Variants in NOS2 observed in about 807,000 individuals in gnomAD.
NOS2 encodes nitric oxide synthase, inducible.
A neutral mutation model predicts 136.0 loss-of-function variants in NOS2; 96 were observed. That is an observed-to-expected ratio of 0.71 (90% CI 0.60 to 0.84). The LOEUF (loss-of-function observed/expected upper bound fraction) is 0.84, where lower values mean the gene tolerates loss of function less well. Ranked by LOEUF, NOS2 falls within the 40% of genes least tolerant of loss-of-function variation. NOS2 has a pLI of 0.00. For missense variants in NOS2, 1,237 were observed against 1,496.9 expected (o/e 0.83, Z 2.87); for synonymous variants, 539 against 587.5 (o/e 0.92, Z 1.20).
chr17:27,761,245 A>T lies in NOS2; in HGVS notation c.2801-14T>A, dbSNP rs747427539. Reference sequence around the variant, plus strand: ...GACCCTGGCCATCTGCAACGATACCACAAAGTGACCAACGTCCCCCCACTG... The same window carrying T: ...GACCCTGGCCATCTGCAACGATACCTCAAAGTGACCAACGTCCCCCCACTG... On this transcript the variant is annotated splice_polypyrimidine_tract_variant and intron_variant, in intron 22 of 26. Coordinates refer to ENST00000313735, the MANE Select transcript of NOS2 (RefSeq NM_000625.4). The T allele has an allele frequency of 1.3e-6, 2 of 1,596,654 alleles. No individual in the cohort carries two copies.
At chr17:27,794,392 T>C (rs889338841) in intron 2 of NOS2, among the ~76,000 whole-genome samples, 1 of 152,198 alleles carries the variant, frequency 6.6e-6, no homozygotes, top group East Asian at 1.9e-4. Flanking sequence ...CCTTGCTACC[T>C]GGACTGCGCA....
At chr17:27,765,454 G>A in intron 20 of NOS2, 81 bp downstream of exon 20, 1 of 1,319,976 alleles carries the variant, frequency 7.6e-7, no homozygotes, top group Non-Finnish European at 1.0e-6. Flanking sequence ...GCTGTCACCG[G>A]CAGGCCCAGG....
chr17:27,788,698 C>G (rs754891415), intron 4 of NOS2, 111 bp downstream of exon 4: 11 of 1,382,506 alleles, frequency 8.0e-6, no homozygotes, highest in Non-Finnish European at 9.8e-6. Flanking sequence ...CCCCTTTGCC[C>G]AAGCAGATGA....
chr17:27,795,258 G>C (rs1909320700), intron 2 of NOS2, among the ~76,000 whole-genome samples: 1 of 152,210 alleles, frequency 6.6e-6, no homozygotes, highest in Admixed American at 6.5e-5. Context: ...CCCTCTGGGA[G>C]AGCACAGATA....
Position 27,760,707 on chromosome 17 carries a change from G to A in NOS2, c.2926C>T (p.Pro976Ser), listed in dbSNP as rs558843043. Residue 976 changes from proline to serine, a missense_variant, in exon 24 of 27, where the codon CCT becomes TCT. Pro to Ser is a moderately conservative substitution (Grantham distance 74). This residue lies in a region of NOS2 where 782 missense variants were observed against 909.9 expected (regional missense o/e 0.86). Coordinates refer to ENST00000313735, the MANE Select transcript of NOS2 (RefSeq NM_000625.4). ...GTGCCAGGCCCGATGAGGATGCAAG[G>A]ATGGGAGGGATCCTCGGGGAGGTGG... ...GFHLPEDPSH[P>S]CILIGPGTGI... The A allele has an allele frequency of 8.4e-6, 13 of 1,550,558 alleles. No homozygotes were observed. The South Asian group carries it at 1.2e-4, about 14-fold the overall frequency.
chr17:27,769,508 G>C, intron 16 of NOS2, 27 bp downstream of exon 16: 4 of 1,604,948 alleles, frequency 2.5e-6, no homozygotes, highest in Non-Finnish European at 3.4e-6. Context: ...GGCAGGGCTA[G>C]GAGTAGGACA....
intron 11 of NOS2, among the ~76,000 whole-genome samples, chr17:27,777,966 CAGG>C (rs1021316947): frequency 2.6e-5 from 4 of 151,320 alleles, no homozygotes; most frequent in Non-Finnish European, 4.4e-5. Flanking sequence ...CACTTGAGCC[CAGG>C]AGGTCAAGGC....
intron 5 of NOS2, among the ~76,000 whole-genome samples, chr17:27,783,379 A>T (rs1241318025): frequency 6.6e-6 from 1 of 152,092 alleles, no homozygotes; most frequent in Non-Finnish European, 1.5e-5. Context: ...TATAAATACT[A>T]CCTAGCCAGT....
chr17:27,785,560 A>G (rs1044406387), intron 5 of NOS2, among the ~76,000 whole-genome samples: 1 of 152,124 alleles, frequency 6.6e-6, no homozygotes, highest in Non-Finnish European at 1.5e-5. Context: ...CTTTCCAGGT[A>G]AGTCTACTGT....
At chr17:27,774,706 CT>C (rs1908609243) in intron 11 of NOS2, among the ~76,000 whole-genome samples, 1 of 152,238 alleles carries the variant, frequency 6.6e-6, no homozygotes, top group Non-Finnish European at 1.5e-5. Flanking sequence ...TCCCTTAAGT[CT>C]TTGAGGGCAA....
chr17:27,757,281 C>T lies in NOS2; in HGVS notation c.3427G>A (p.Val1143Met), dbSNP rs149327839. The T allele has an allele frequency of 6.2e-7, 1 of 1,614,000 alleles. No homozygotes were observed. The highest frequency in any genetic ancestry group is 8.5e-7 in the Non-Finnish European group (1 of 1,180,012). The change falls in exon 27 of 27, where the codon GTG becomes ATG. Residue 1143 changes from valine to methionine, a missense_variant. Physicochemically the swap from Val to Met is conservative, Grantham distance 21. Coordinates refer to ENST00000313735, the MANE Select transcript of NOS2 (RefSeq NM_000625.4). ...PYEAKKDRVAVQPSSLEMSAL is the reference protein window; with the variant it reads ...PYEAKKDRVAMQPSSLEMSAL Reference sequence around the variant, plus strand: ...GACATCTCCAGGCTGCTGGGCTGCACCGCCACCCTGTCCTTCTTCGCCTCG... The same window carrying T: ...GACATCTCCAGGCTGCTGGGCTGCATCGCCACCCTGTCCTTCTTCGCCTCG...
rs199829544 is a variant in NOS2, at chr17:27,778,755, G to T, written c.1216C>A (p.Leu406Met). 9 of 1,614,208 alleles carry T rather than the reference G, an allele frequency of 5.6e-6. No homozygotes were observed. The highest frequency in any genetic ancestry group is 7.6e-6 in the Non-Finnish European group (9 of 1,180,040). The change falls in exon 11 of 27, where the codon CTG becomes ATG. Residue 406 changes from leucine (L) to methionine (M), a missense_variant. Physicochemically the swap from Leu to Met is conservative, Grantham distance 15. Around this residue, in one of 3 missense-constraint regions of NOS2, gnomAD observed 440 missense variants for 545.4 expected, o/e 0.81. Transcript: ENST00000313735. ...GCCTGGTCTTTCCAGAGCGAGGCCAGCTTGTGCGTTTCCAGGCCCATTCTC... is the reference window on the plus strand; with the variant it reads ...GCCTGGTCTTTCCAGAGCGAGGCCATCTTGTGCGTTTCCAGGCCCATTCTC... ...GRRMGLETHK[L>M]ASLWKDQAVV...
intron 22 of NOS2, among the ~76,000 whole-genome samples, chr17:27,762,060 G>A (rs578173075): frequency 6.6e-6 from 1 of 152,190 alleles, no homozygotes; most frequent in Non-Finnish European, 1.5e-5. Context: ...CAGTTACAGA[G>A]GGCAGGGCAG....
At chr17:27,761,066 C>A in intron 23 of NOS2, 78 bp downstream of exon 23, 1 of 1,344,178 alleles carries the variant, frequency 7.4e-7, no homozygotes, top group Non-Finnish European at 1.0e-6. Context: ...GTCTCCTAAA[C>A]CCCAGATCCC....
rs1343752726 is a variant in NOS2, at chr17:27,778,619, AT to A, written c.1281+70del. The A allele has an allele frequency of 5.7e-6, 7 of 1,236,046 alleles. No individual in the cohort carries two copies. The African/African-American group carries it at 1.0e-4, about 18-fold the overall frequency. The allele number at this position is 1,236,046 out of a possible 1,614,324, so 76.6% of individuals were successfully genotyped here. ...AAGGGGGCTTACTTATAAATTAAGC[AT>A]CACATAAGTCACTGGATCAGTTAAG... On this transcript the variant is annotated intron_variant, in intron 11 of 26. Coordinates refer to ENST00000313735, the MANE Select transcript of NOS2 (RefSeq NM_000625.4).
Position 27,760,618 on chromosome 17 carries a change from C to CT in NOS2, c.3010+4dup, listed in dbSNP as rs1908088637. 1.3e-6 allele frequency: 2 copies of CT among 1,553,126 alleles called. No homozygotes were observed. The highest frequency in any genetic ancestry group is 2.4e-5 in the South Asian group (2 of 84,194). On this transcript the variant is annotated splice_donor_region_variant and intron_variant, in intron 24 of 26. Coordinates refer to ENST00000313735, the MANE Select transcript of NOS2 (RefSeq NM_000625.4). ...CCCTCCCACCTGGGAAGCCTCCAGC[C>CT]TTACCCTTGTGCTGGGAGTCATGGA...
chr17:27,796,544 A>G (rs1379500683), intron 2 of NOS2, among the ~76,000 whole-genome samples: 1 of 152,224 alleles, frequency 6.6e-6, no homozygotes, highest in Non-Finnish European at 1.5e-5. Flanking sequence ...TGTGCTATGC[A>G]CAGGCACTGG....
Position 27,758,988 on chromosome 17 carries a change from C to T in NOS2, c.3247G>A (p.Gly1083Arg), listed in dbSNP as rs775310737. Residue 1083 changes from glycine (G) to arginine (R), a missense_variant, in exon 26 of 27, where the codon GGG becomes AGG. Gly to Arg is a moderately radical substitution (Grantham distance 125). This residue lies in a region of NOS2 where 782 missense variants were observed against 909.9 expected (regional missense o/e 0.86). Transcript: ENST00000313735. ...HKEPGHLYVC[G>R]DVRMARDVAH... ...ACGTCCCGGGCCATGCGCACATCCC[C>T]GCAAACATAGAGGTGGCCTGGCTCC... is the stretch of plus-strand genomic sequence containing the variant. 8 of 1,613,092 alleles carry T rather than the reference C, an allele frequency of 5.0e-6. No individual in the cohort carries two copies. The highest frequency in any genetic ancestry group is 1.7e-5 in the Admixed American group (1 of 59,976).
At chr17:27,784,935 G>A (rs544743211) in intron 5 of NOS2, among the ~76,000 whole-genome samples, 22 of 152,160 alleles carry the variant, frequency 1.4e-4, no homozygotes, top group Non-Finnish European at 2.8e-4. Context: ...TCTGGGAGAA[G>A]CAAATGGGTT....
Sources: gnomAD v4.1 joint callset for allele counts (sites outside exome capture counted in the v4.1 genomes callset) on GRCh38, gnomAD v4.1.1 for gene constraint, gnomAD v4.1.1 regional missense constraint, MANE v1.5 for transcripts, NCBI Gene and HGNC (gene_info 2026-07-23, HGNC 2026-07-21) for gene names.